Variants in PCDH15 observed in about 807,000 individuals in gnomAD.
The protein encoded by PCDH15 is protocadherin related 15.
Under a neutral mutation model 178.5 loss-of-function variants are expected in PCDH15, and 129 were observed. The observed-to-expected ratio is 0.72, with a 90% CI of 0.63 to 0.84. The LOEUF (loss-of-function observed/expected upper bound fraction) is 0.84, where lower values mean the gene tolerates loss of function less well. Ranked by LOEUF, PCDH15 falls within the 40% of genes least tolerant of loss-of-function variation. The pLI, the probability that PCDH15 is intolerant of heterozygous loss-of-function variation, is 0.00. For missense variants in PCDH15, 2,230 were observed against 2,099.9 expected, an observed-to-expected ratio of 1.06 and a Z score of -1.21; for synonymous variants, 800 against 732.0, an observed-to-expected ratio of 1.09 and a Z score of -1.50.
chr10:54,369,852 A>T (rs890214702), intron 4 of PCDH15, among the ~76,000 whole-genome samples: 10 of 152,128 alleles, frequency 6.6e-5, no homozygotes, highest in South Asian at 4.1e-4. Flanking sequence ...ACAGACACAC[A>T]GTGAATATCA....
chr10:55,358,715 CAT>C (rs545216650), intron 2 of PCDH15, among the ~76,000 whole-genome samples: 3 of 152,148 alleles, frequency 2.0e-5, no homozygotes, highest in African/African-American at 7.2e-5. Flanking sequence ...AATCTTTGCA[CAT>C]GTGTTAACAG....
intron 2 of PCDH15, among the ~76,000 whole-genome samples, chr10:55,596,797 G>A (rs1311659088): frequency 3.3e-5 from 5 of 152,020 alleles, no homozygotes; most frequent in Non-Finnish European, 7.4e-5. Flanking sequence ...ACAAACAAAA[G>A]CATTTTAAAC....
chr10:55,166,144 C>T (rs752692997), intron 2 of PCDH15, among the ~76,000 whole-genome samples: 5 of 152,040 alleles, frequency 3.3e-5, no homozygotes, highest in Non-Finnish European at 5.9e-5. Context: ...TAATACTCAG[C>T]TATGGTTTTC....
rs573378755 is a variant in PCDH15 at position 54,909,780 on chromosome 10, C to T, written c.-79-12280G>A. Among the ~76,000 whole-genome samples, 10 of 152,170 alleles carry T rather than the reference C, an allele frequency of 6.6e-5. 1 individual carries two copies. The highest frequency in any genetic ancestry group is 1.9e-4 in the East Asian group (1 of 5,134). ...GGGAGCAGACACTGGCTCTGTGGAG[C>T]GCAGCACCACCTCGGACCTGCTCCA... On this transcript the variant is annotated intron_variant, in intron 2 of 5. Coordinates refer to the PCDH15 transcript ENST00000458638.
chr10:54,372,756 A>G (rs1418505910), intron 4 of PCDH15, among the ~76,000 whole-genome samples: 2 of 151,966 alleles, frequency 1.3e-5, no homozygotes, highest in Non-Finnish European at 2.9e-5. Context: ...TTGTGTTCAT[A>G]TAACTATTTA....
intron 18 of PCDH15, among the ~76,000 whole-genome samples, chr10:54,033,009 G>T (rs2093336342): frequency 6.6e-6 from 1 of 151,798 alleles, no homozygotes; most frequent in Admixed American, 6.6e-5. Flanking sequence ...CCATGATCCA[G>T]TCACCCCGCT....
At chr10:54,978,888 C>T (rs766735201) in intron 2 of PCDH15, among the ~76,000 whole-genome samples, 1 of 152,046 alleles carries the variant, frequency 6.6e-6, no homozygotes, top group Non-Finnish European at 1.5e-5. Flanking sequence ...TAAAATTTTG[C>T]TCATATTTCT....
At chr10:55,540,934 A>T (rs1841745037) in intron 2 of PCDH15, among the ~76,000 whole-genome samples, 1 of 152,060 alleles carries the variant, frequency 6.6e-6, no homozygotes, top group Non-Finnish European at 1.5e-5. Context: ...TGCATTATTA[A>T]ATTTGTCTTG....
At chr10:54,679,148 C>T (rs1179297064) in intron 1 of PCDH15, among the ~76,000 whole-genome samples, 1 of 147,564 alleles carries the variant, frequency 6.8e-6, no homozygotes, top group Non-Finnish European at 1.5e-5. Context: ...CGAGATTGCG[C>T]CACCGCACTC....
At chr10:55,039,225 A>G (rs1840808936) in intron 2 of PCDH15, among the ~76,000 whole-genome samples, 1 of 152,124 alleles carries the variant, frequency 6.6e-6, no homozygotes, top group Non-Finnish European at 1.5e-5. Flanking sequence ...AAGGTAAAAA[A>G]TTAAGATGTG....
chr10:53,828,671 T>C (rs767139709), intron 30 of PCDH15, 98 bp from the exon 31 acceptor site: 1 of 1,016,628 alleles, frequency 9.8e-7, no homozygotes, highest in Non-Finnish European at 1.5e-6. Context: ...TCATGAATAA[T>C]TTATACGTTA....
At chr10:54,227,079 A>G (rs2053538732) in intron 9 of PCDH15, among the ~76,000 whole-genome samples, 1 of 152,120 alleles carries the variant, frequency 6.6e-6, no homozygotes. Flanking sequence ...TGGATCTACC[A>G]TTCTGGGGTC....
chr10:53,829,062 T>G (rs1251268213), intron 30 of PCDH15, among the ~76,000 whole-genome samples: 1 of 152,210 alleles, frequency 6.6e-6, no homozygotes, highest in African/African-American at 2.4e-5. Flanking sequence ...ACATATTTGC[T>G]TTTTAGTTTC....
chr10:54,084,538 G>A (rs1477746371), intron 16 of PCDH15, among the ~76,000 whole-genome samples: 1 of 152,108 alleles, frequency 6.6e-6, no homozygotes, highest in Non-Finnish European at 1.5e-5. Context: ...GGAGGCTGAG[G>A]TGGGAGGATC....
chr10:54,516,116 C>G (rs1268943544), intron 3 of PCDH15, among the ~76,000 whole-genome samples: 1 of 152,160 alleles, frequency 6.6e-6, no homozygotes, highest in Non-Finnish European at 1.5e-5. Context: ...GAATGCAGTT[C>G]CTCACCAGCA....
At position 54,731,564 on chromosome 10, in the gene PCDH15, A is replaced by ATATATATATATATATATATATATATATG. The variant is rs1491229343; in HGVS notation, c.-28-67275_-28-67274insCATATATATATATATATATATATATATA. On this transcript the variant is annotated intron_variant, in intron 1 of 37. Coordinates refer to ENST00000644397, the MANE Select transcript of PCDH15 (RefSeq NM_001384140.1). ...GAGATAGATATATATATATATATAT[A>ATATATATATATATATATATATATATATG]CACACACACACACACACACACACAC... Among the ~76,000 whole-genome samples, 34 of 43,312 alleles carry ATATATATATATATATATATATATATATG rather than the reference A, an allele frequency of 7.9e-4. 1 individual carries two copies. The highest frequency in any genetic ancestry group is 2.5e-3 in the South Asian group (3 of 1,190). 28.4% of individuals were successfully genotyped at this position (43,312 alleles called of 152,430 possible). A position where few individuals can be genotyped will look rare whatever the true frequency, so the allele number is the denominator to read the frequency against.
At chr10:54,653,328 G>A (rs185526391) in intron 2 of PCDH15, among the ~76,000 whole-genome samples, 11 of 152,200 alleles carry the variant, frequency 7.2e-5, no homozygotes, top group East Asian at 3.9e-4. Context: ...CCTACTAGCC[G>A]TGTGTTATAG....
At chr10:55,327,466 G>T (rs1298596661) in intron 2 of PCDH15, among the ~76,000 whole-genome samples, 1 of 152,034 alleles carries the variant, frequency 6.6e-6, no homozygotes, top group Non-Finnish European at 1.5e-5. Flanking sequence ...GCTGTTATCA[G>T]AAGAATCATA....
chr10:55,174,936 C>G (rs1564862726), intron 1 of PCDH15, among the ~76,000 whole-genome samples: 1 of 152,044 alleles, frequency 6.6e-6, no homozygotes, highest in Non-Finnish European at 1.5e-5. Context: ...AGCAGCTTTC[C>G]AGAATTTAAC....
Sources: allele counts gnomAD v4.1 joint callset (sites outside exome capture counted in the v4.1 genomes callset), GRCh38; gene constraint gnomAD v4.1.1; transcripts MANE v1.5; gene names NCBI Gene and HGNC (gene_info 2026-07-23, HGNC 2026-07-21).